Variants in OCA2 observed in about 807,000 individuals in gnomAD.
OCA2 encodes the protein OCA2 melanosomal transmembrane protein.
OCA2 carries 77 observed loss-of-function variants against 100.2 expected under a neutral mutation model. The ratio of observed to expected loss-of-function variants is 0.77; its 90% CI spans 0.64 to 0.93. The LOEUF is 0.93. Ranked by LOEUF, OCA2 falls within the 40% of genes least tolerant of loss-of-function variation. The probability of loss-of-function intolerance (pLI) is 0.00; values close to 1 mark genes in which losing one functional copy is unlikely to be tolerated. For synonymous variants in OCA2, 432 were observed against 439.2 expected (o/e 0.98, Z 0.21); for missense variants, 1,062 against 1,089.1 (o/e 0.98, Z 0.35).
At chr15:27,806,928 T>C (rs12905726) in intron 23 of OCA2, among the ~76,000 whole-genome samples, 110,647 of 151,694 alleles carry the variant, frequency 0.73, 41,689 homozygotes, top group East Asian at 1. Flanking sequence ...CCTGCCCACA[T>C]TCTGCATGGC....
At chr15:27,819,089 T>C (rs1221263217) in intron 23 of OCA2, among the ~76,000 whole-genome samples, 3 of 152,184 alleles carry the variant, frequency 2.0e-5, no homozygotes, top group Admixed American at 1.3e-4. Flanking sequence ...AATACTTTTG[T>C]AAAATAAAAT....
At chr15:27,885,093 C>T (rs1435318446) in intron 19 of OCA2, among the ~76,000 whole-genome samples, 2 of 152,120 alleles carry the variant, frequency 1.3e-5, no homozygotes, top group Admixed American at 6.5e-5. Context: ...AGCTACATGA[C>T]TTATGTTATA....
At chr15:27,817,560 T>C (rs951082497) in intron 23 of OCA2, among the ~76,000 whole-genome samples, 1 of 152,148 alleles carries the variant, frequency 6.6e-6, no homozygotes, top group Non-Finnish European at 1.5e-5. Context: ...GATGATTTCA[T>C]CCTCCTTGCC....
At chr15:27,918,079 C>T (rs573426359) in intron 19 of OCA2, among the ~76,000 whole-genome samples, 15 of 147,010 alleles carry the variant, frequency 1.0e-4, no homozygotes, top group African/African-American at 3.5e-4. Flanking sequence ...ATAAGCTCAG[C>T]TCCCTCTTGA....
chr15:27,799,941 A>G (rs1458617273), intron 23 of OCA2, among the ~76,000 whole-genome samples: 1 of 152,162 alleles, frequency 6.6e-6, no homozygotes, highest in Non-Finnish European at 1.5e-5. Flanking sequence ...GAGATCAGGC[A>G]GGAAGGGGCC....
chr15:27,748,382 T>C, the OCA2 span, among the ~76,000 whole-genome samples: 2 of 152,142 alleles, frequency 1.3e-5, no homozygotes, highest in African/African-American at 2.4e-5. Context: ...TGGCCTGACC[T>C]GGGTATTTTC....
At chr15:27,832,641 A>ATGG (rs1187776664) in intron 23 of OCA2, among the ~76,000 whole-genome samples, 2 of 152,178 alleles carry the variant, frequency 1.3e-5, no homozygotes, top group Admixed American at 1.3e-4. Context: ...GTCTACGTTT[A>ATGG]GCTGTGTTTG....
rs188454573 is a variant in OCA2, at chr15:27,894,431, G to A, written c.2080-22509C>T. ...TGTGGCCATAGAATTCTCTCTGGAC[G>A]AGTGGAAATACTGGAACCTGCTTAG... On this transcript the variant is annotated intron_variant, in intron 19 of 23. Coordinates refer to ENST00000354638, the MANE Select transcript of OCA2 (RefSeq NM_000275.3). Among the ~76,000 whole-genome samples, 32 of 152,322 alleles carry A rather than the reference G, an allele frequency of 2.1e-4. No homozygotes were observed. In the East Asian group the frequency reaches 5.2e-3, roughly 25 times the overall value.
At chr15:28,094,883 C>T (rs1278554918) in intron 1 of OCA2, among the ~76,000 whole-genome samples, 2 of 152,240 alleles carry the variant, frequency 1.3e-5, no homozygotes, top group African/African-American at 4.8e-5. Flanking sequence ...GCGACGGCAC[C>T]GGTGCCAGGA....
At chr15:28,052,417 T>C (rs2043545679) in intron 2 of OCA2, among the ~76,000 whole-genome samples, 1 of 152,174 alleles carries the variant, frequency 6.6e-6, no homozygotes, top group African/African-American at 2.4e-5. Context: ...ATAAAAATAA[T>C]CACGCCTTCT....
intron 23 of OCA2, among the ~76,000 whole-genome samples, chr15:27,791,495 CG>C (rs899709809): frequency 4.6e-5 from 7 of 152,004 alleles, no homozygotes; most frequent in Non-Finnish European, 8.8e-5. Flanking sequence ...AGTGGTTGCT[CG>C]GGGGAAGGGT....
intron 22 of OCA2, among the ~76,000 whole-genome samples, chr15:27,847,916 C>T (rs1287236520): frequency 1.3e-5 from 2 of 152,206 alleles, no homozygotes; most frequent in African/African-American, 2.4e-5. Flanking sequence ...AGCTCTGTGG[C>T]GCCGTCAGGA....
chr15:27,807,044 G>T (rs1391412926), intron 23 of OCA2, among the ~76,000 whole-genome samples: 2 of 151,996 alleles, frequency 1.3e-5, no homozygotes, highest in Non-Finnish European at 2.9e-5. Flanking sequence ...GGACCGACCG[G>T]CCCTGCCTCC....
intron 2 of OCA2, among the ~76,000 whole-genome samples, chr15:28,045,575 T>C (rs2043323778): frequency 6.6e-6 from 1 of 152,212 alleles, no homozygotes; most frequent in Non-Finnish European, 1.5e-5. Context: ...TTTCCTCTGA[T>C]GGAGCTGGAG....
chr15:27,852,731 A>G (rs2151418797), intron 21 of OCA2, among the ~76,000 whole-genome samples: 1 of 149,928 alleles, frequency 6.7e-6, no homozygotes, highest in East Asian at 2.0e-4. Flanking sequence ...TACAAGAAAA[A>G]AACAAACAAC....
At chr15:27,877,386 T>A (rs919532900) in intron 19 of OCA2, among the ~76,000 whole-genome samples, 17 of 151,958 alleles carry the variant, frequency 1.1e-4, no homozygotes, top group African/African-American at 4.1e-4. Context: ...TTTCCTGATT[T>A]TTTTTTGTCT....
intron 23 of OCA2, among the ~76,000 whole-genome samples, chr15:27,827,932 T>G (rs981962599): frequency 6.6e-6 from 1 of 152,206 alleles, no homozygotes. Flanking sequence ...ATAAGGTCAC[T>G]GGATAAGACG....
chr15:27,864,870 C>T (rs1030881202), intron 21 of OCA2, among the ~76,000 whole-genome samples: 19 of 151,858 alleles, frequency 1.3e-4, no homozygotes, highest in African/African-American at 4.4e-4. Flanking sequence ...GGTTCCAACT[C>T]GGTCTTTAGG....
chr15:28,007,355 C>G (rs1327942779), intron 9 of OCA2, among the ~76,000 whole-genome samples: 1 of 152,162 alleles, frequency 6.6e-6, no homozygotes, highest in Non-Finnish European at 1.5e-5. Context: ...GGAAATCTCC[C>G]AGAGCCGTAT....
Sources: allele counts gnomAD v4.1 joint callset (sites outside exome capture counted in the v4.1 genomes callset), GRCh38; gene constraint gnomAD v4.1.1; transcripts MANE v1.5; gene names NCBI Gene and HGNC (gene_info 2026-07-23, HGNC 2026-07-21).